KATNIP: variants seen among roughly 807,000 people sequenced by gnomAD.
The protein encoded by KATNIP is katanin-interacting protein.
KATNIP carries 126 observed loss-of-function variants against 174.0 expected under a neutral mutation model. The ratio of observed to expected loss-of-function variants is 0.72; its 90% CI spans 0.63 to 0.84. The LOEUF (loss-of-function observed/expected upper bound fraction) is 0.84. KATNIP is among the 40% of genes least tolerant of loss of function. The pLI is 0.00. For missense variants in KATNIP, 1,958 were observed against 2,109.7 expected (o/e 0.93, Z 1.41); for synonymous variants, 810 against 835.7 (o/e 0.97, Z 0.53).
At chr16:27,636,065 G>A (rs1235432134) in intron 5 of KATNIP, among the ~76,000 whole-genome samples, 1 of 152,108 alleles carries the variant, frequency 6.6e-6, no homozygotes, top group Non-Finnish European at 1.5e-5. Context: ...AGACAGTTAG[G>A]ATCGCTTGAA....
chr16:27,673,151 C>T (rs757317203), intron 6 of KATNIP, among the ~76,000 whole-genome samples: 1 of 152,142 alleles, frequency 6.6e-6, no homozygotes, highest in Non-Finnish European at 1.5e-5. Flanking sequence ...GCATAAGAGC[C>T]AATAGGCTAT....
intron 3 of KATNIP, 121 bp from the exon 4 acceptor site, chr16:27,628,540 G>GC: frequency 1.9e-6 from 2 of 1,065,074 alleles, no homozygotes; most frequent in South Asian, 1.5e-5. Context: ...CTGGGCACAC[G>GC]CCCCCTGGGC....
chr16:27,637,763 G>A lies in KATNIP; in HGVS notation c.408+6601G>A, dbSNP rs998527301. Among the ~76,000 whole-genome samples, 10 of 152,212 alleles carry A rather than the reference G, an allele frequency of 6.6e-5. No individual in the cohort carries two copies. The highest frequency in any genetic ancestry group is 2.4e-4 in the African/African-American group (10 of 41,450). ...GCCATGCAGGGCCTAGAAGACCACA[G>A]GAGGAAGTTTGGATTTCAATCTAAA... On this transcript the variant is annotated intron_variant, in intron 5 of 27. Transcript: ENST00000261588. This position sits in a 1 kb window ranked among gnomAD's most constrained non-coding sequence, Gnocchi z 4.7.
intron 1 of KATNIP, among the ~76,000 whole-genome samples, chr16:27,571,399 T>G (rs1443513132): frequency 6.6e-6 from 1 of 152,126 alleles, no homozygotes; most frequent in East Asian, 1.9e-4. Flanking sequence ...TATAACATAA[T>G]TTTAGAGATG....
rs757354848 is a variant in KATNIP at position 27,776,879 on chromosome 16, G to A, written c.4450-49G>A. The A allele has an allele frequency of 1.7e-5, 23 of 1,372,656 alleles. No homozygotes were observed. Among genetic ancestry groups the A allele is most frequent in the East Asian group, 2.3e-5 (1 of 43,384 alleles). The allele number at this position is 1,372,656 out of a possible 1,614,324, so 85.0% of individuals were successfully genotyped here. A position where few individuals can be genotyped will look rare whatever the true frequency, so the allele number is the denominator to read the frequency against. On this transcript the variant is annotated intron_variant, in intron 24 of 27. Transcript: ENST00000261588. The surrounding 1 kb of genome is among the most constrained non-coding windows in gnomAD (Gnocchi z 4.7). ...CCTGGCACCCCCAGCCCAGCCAAGC[G>A]CCTCTGTTTCCAAACATGCCTGTTT... is the stretch of plus-strand genomic sequence containing the variant.
rs1345661668 is a variant in KATNIP, at chr16:27,606,905, A to G, written c.64-11520A>G. On this transcript the variant is annotated intron_variant, in intron 2 of 27. Coordinates refer to ENST00000261588, the MANE Select transcript of KATNIP (RefSeq NM_015202.5). ...TTCCATGGAACATTTAAGGTTGCTC[A>G]TAATTGTGAACCTAAAAAGTTGGTA... is the stretch of plus-strand genomic sequence containing the variant. Among the ~76,000 whole-genome samples the G allele has an allele frequency of 7.2e-5, 11 of 152,130 alleles. No individual in the cohort carries two copies. In the East Asian group the frequency reaches 2.1e-3, roughly 29 times the overall value.
chr16:27,777,522 C>T lies in KATNIP; in HGVS notation c.4552-88C>T. ...CAGCCCCGTCTTCCCGAGGAGAAAG[C>T]CTTGGCTCAGAGCAGTAACGCGTTC... is the stretch of plus-strand genomic sequence containing the variant. On this transcript the variant is annotated intron_variant, in intron 25 of 27. Coordinates refer to ENST00000261588, the MANE Select transcript of KATNIP (RefSeq NM_015202.5). This position sits in a 1 kb window ranked among gnomAD's most constrained non-coding sequence, Gnocchi z 4.4. 2 of 1,313,776 alleles carry T rather than the reference C, an allele frequency of 1.5e-6. No individual in the cohort carries two copies. The highest frequency in any genetic ancestry group is 1.5e-5 in the South Asian group (1 of 68,774). 81.4% of individuals were successfully genotyped at this position (1,313,776 alleles called of 1,614,324 possible). A position where few individuals can be genotyped will look rare whatever the true frequency, so the allele number is the denominator to read the frequency against.
chr16:27,576,012 G>A (rs879038411), intron 2 of KATNIP, among the ~76,000 whole-genome samples: 11 of 152,228 alleles, frequency 7.2e-5, no homozygotes, highest in Admixed American at 3.3e-4. Flanking sequence ...CCTGCAGGCC[G>A]CCCTCAGTTA....
At chr16:27,563,380 G>C (rs2089962175) in intron 1 of KATNIP, among the ~76,000 whole-genome samples, 1 of 152,170 alleles carries the variant, frequency 6.6e-6, no homozygotes, top group Non-Finnish European at 1.5e-5. Context: ...GGGACTAGGT[G>C]CAGTGGTGCA....
chr16:27,653,524 C>A (rs1419879151), intron 6 of KATNIP, among the ~76,000 whole-genome samples: 1 of 152,078 alleles, frequency 6.6e-6, no homozygotes, highest in African/African-American at 2.4e-5. Context: ...TTTACCACAG[C>A]AGGAACTTAG....
At chr16:27,652,031 A>G (rs1469209318) in intron 6 of KATNIP, among the ~76,000 whole-genome samples, 1 of 152,128 alleles carries the variant, frequency 6.6e-6, no homozygotes, top group Non-Finnish European at 1.5e-5. Flanking sequence ...AGGGTTCCAC[A>G]TTCTTATACA....
chr16:27,560,384 C>T (rs527367515), intron 1 of KATNIP, among the ~76,000 whole-genome samples: 9 of 152,022 alleles, frequency 5.9e-5, no homozygotes, highest in South Asian at 4.1e-4. Context: ...TTTCTTGTCA[C>T]GTAGCTCTGG....
At position 27,778,914 on chromosome 16, in the gene KATNIP, C is replaced by T. The variant is rs551983798; in HGVS notation, c.*285C>T. On this transcript the variant is annotated 3_prime_UTR_variant, in exon 28 of 28. Transcript: ENST00000261588. ...TGCTGTGAGACCCAGCAAAGCAGGG[C>T]CCATGACCACTAGGGCCTGGGCTGA... 44 of 395,288 alleles carry T rather than the reference C, an allele frequency of 1.1e-4. No individual in the cohort carries two copies. Among genetic ancestry groups the T allele is most frequent in the Admixed American group, 7.2e-4 (17 of 23,714 alleles). 24.5% of individuals were successfully genotyped at this position (395,288 alleles called of 1,614,324 possible). A position where few individuals can be genotyped will look rare whatever the true frequency, so the allele number is the denominator to read the frequency against.
At chr16:27,687,410 A>G (rs2142872609) in intron 8 of KATNIP, 1 of 152,244 alleles carries the variant, frequency 6.6e-6, no homozygotes, top group South Asian at 2.1e-4. Flanking sequence ...CCAGAAGTGT[A>G]ACCTTTTGCT....
intron 2 of KATNIP, among the ~76,000 whole-genome samples, chr16:27,592,660 A>G (rs1232130251): frequency 6.6e-6 from 1 of 152,108 alleles, no homozygotes; most frequent in African/African-American, 2.4e-5. Context: ...ACAGGAGCAT[A>G]TACAGGAGTG....
intron 1 of KATNIP, among the ~76,000 whole-genome samples, chr16:27,565,751 T>G (rs1287364468): frequency 1.3e-5 from 2 of 150,816 alleles, no homozygotes; most frequent in African/African-American, 4.9e-5. Context: ...ACCACTGCAC[T>G]CTAGCCGGGA....
chr16:27,615,481 C>T (rs1038142748), intron 2 of KATNIP, among the ~76,000 whole-genome samples: 2 of 151,942 alleles, frequency 1.3e-5, no homozygotes, highest in Non-Finnish European at 2.9e-5. Context: ...CAGCCTCCCA[C>T]GTAGCTGGGA....
chr16:27,583,319 A>G (rs1050622696), intron 2 of KATNIP, among the ~76,000 whole-genome samples: 10 of 152,182 alleles, frequency 6.6e-5, no homozygotes, highest in African/African-American at 2.4e-4. Context: ...TCAACAGAGC[A>G]CCATCAAAGT....
At chr16:27,682,176 C>G (rs1460378380) in intron 8 of KATNIP, among the ~76,000 whole-genome samples, 1 of 152,164 alleles carries the variant, frequency 6.6e-6, no homozygotes. Context: ...TCTGAAAGTA[C>G]AAAAGAGTCG....
Sources: allele counts gnomAD v4.1 joint callset (sites outside exome capture counted in the v4.1 genomes callset), GRCh38; gene constraint gnomAD v4.1.1; non-coding constraint Gnocchi (gnomAD v3.1); transcripts MANE v1.5; gene names NCBI Gene and HGNC (gene_info 2026-07-23, HGNC 2026-07-21).